PAPPA: variants seen among roughly 807,000 people sequenced by gnomAD.
PAPPA encodes the protein pappalysin 1, also known as pappalysin-1.
In PAPPA, 60 loss-of-function variants were observed where a neutral mutation model predicts 164.0. That is an observed-to-expected ratio of 0.37 (90% CI 0.30 to 0.45). PAPPA has a LOEUF of 0.45. PAPPA is among the 20% of genes least tolerant of loss of function. The pLI is 1.00. For synonymous variants in PAPPA, 875 were observed against 814.1 expected, an observed-to-expected ratio of 1.07 and a Z score of -1.27; for missense variants, 1,782 against 2,087.3, an observed-to-expected ratio of 0.85 and a Z score of 2.85.
Position 116,261,651 on chromosome 9 carries a change from A to G in PAPPA, c.2733-4206A>G, listed in dbSNP as rs143146560. Among the ~76,000 whole-genome samples, 90 of 152,286 alleles carry G rather than the reference A, an allele frequency of 5.9e-4. No individual in the cohort carries two copies. The East Asian group carries it at 0.016, about 28-fold the overall frequency. On this transcript the variant is annotated intron_variant, in intron 7 of 21. Coordinates refer to ENST00000328252, the MANE Select transcript of PAPPA (RefSeq NM_002581.5). ...AAGTCATAAGGTGCTTACCCTCCTT[A>G]TGTATATATTAATATTTTAGATAAT...
chr9:116,314,461 T>A (rs1424339836), intron 10 of PAPPA, among the ~76,000 whole-genome samples: 1 of 152,178 alleles, frequency 6.6e-6, no homozygotes, highest in African/African-American at 2.4e-5. Context: ...ATTTTTTAAG[T>A]CTGCATAAAT....
intron 21 of PAPPA, among the ~76,000 whole-genome samples, chr9:116,383,743 G>T (rs1846764678): frequency 6.6e-6 from 1 of 152,222 alleles, no homozygotes; most frequent in African/African-American, 2.4e-5. Flanking sequence ...GGATCAGTCA[G>T]TCCCAGGTGG....
chr9:116,322,243 C>G (rs929550839), intron 10 of PAPPA, among the ~76,000 whole-genome samples: 1 of 151,920 alleles, frequency 6.6e-6, no homozygotes, highest in Admixed American at 6.6e-5. Flanking sequence ...AACCCCATCT[C>G]TACTAAAAAT....
chr9:116,310,222 C>A (rs1482383349), intron 10 of PAPPA, among the ~76,000 whole-genome samples: 1 of 152,158 alleles, frequency 6.6e-6, no homozygotes, highest in Non-Finnish European at 1.5e-5. Flanking sequence ...ATGGCCTTCA[C>A]CAAAGCATTC....
At chr9:116,220,439 G>C (rs1033067999) in intron 5 of PAPPA, among the ~76,000 whole-genome samples, 10 of 150,644 alleles carry the variant, frequency 6.6e-5, no homozygotes, top group Non-Finnish European at 8.9e-5. Context: ...TCATCTCCAT[G>C]AGCTCAGGAG....
intron 9 of PAPPA, among the ~76,000 whole-genome samples, chr9:116,288,443 C>CT (rs1192334093): frequency 2.8e-5 from 4 of 144,422 alleles, no homozygotes; most frequent in Non-Finnish European, 6.1e-5. Flanking sequence ...CCCTCCCTCC[C>CT]TCCCTTCCTT....
rs540964511 is a variant in PAPPA at position 116,269,374 on chromosome 9, T to A, written c.2862-1951T>A. Among the ~76,000 whole-genome samples, 6 of 152,302 alleles carry A rather than the reference T, an allele frequency of 3.9e-5. No individual in the cohort carries two copies. The South Asian group carries it at 1.2e-3, about 32-fold the overall frequency. On this transcript the variant is annotated intron_variant, in intron 8 of 21. Coordinates refer to ENST00000328252, the MANE Select transcript of PAPPA (RefSeq NM_002581.5). The stretch of plus-strand genomic sequence containing the variant: ...GTGACAACTCTGCAAAACTAACAAG[T>A]AAAGGAGTGGCTGCATGCTGTCTGT...
chr9:116,212,808 A>T (rs1407240907), intron 4 of PAPPA, among the ~76,000 whole-genome samples: 1 of 152,210 alleles, frequency 6.6e-6, no homozygotes, highest in East Asian at 1.9e-4. Flanking sequence ...TAACAGGTAT[A>T]TAAAATTTAT....
At chr9:116,274,285 C>A (rs1845171830) in intron 9 of PAPPA, among the ~76,000 whole-genome samples, 1 of 152,216 alleles carries the variant, frequency 6.6e-6, no homozygotes, top group South Asian at 2.1e-4. Context: ...CTACGCCCTT[C>A]ACTGGCCACT....
intron 4 of PAPPA, among the ~76,000 whole-genome samples, chr9:116,218,753 G>T (rs1204273181): frequency 6.6e-6 from 1 of 152,110 alleles, no homozygotes; most frequent in African/African-American, 2.4e-5. Flanking sequence ...TTCTCATATT[G>T]ATCAGAAGCA....
At position 116,167,218 on chromosome 9, in the gene PAPPA, G is replaced by T. The variant is rs145875739; in HGVS notation, c.415+12631G>T. On this transcript the variant is annotated intron_variant, in intron 1 of 21. Coordinates refer to ENST00000328252, the MANE Select transcript of PAPPA (RefSeq NM_002581.5). The stretch of plus-strand genomic sequence containing the variant: ...TCCCTCAATGCCAAAATCTGAGGTT[G>T]CTCAAGTCCCCAACATAAAATGGCA... 4.6e-5 allele frequency among the ~76,000 whole-genome samples: 7 copies of T among 152,238 alleles called. No homozygotes were observed. In the East Asian group the frequency reaches 1.2e-3, roughly 25 times the overall value.
chr9:116,295,216 A>G (rs1035930068), intron 9 of PAPPA, among the ~76,000 whole-genome samples: 1 of 152,192 alleles, frequency 6.6e-6, no homozygotes, highest in Non-Finnish European at 1.5e-5. Context: ...TAATATTGAG[A>G]CTTACTTAAG....
At chr9:116,320,336 G>A (rs1159146962) in intron 10 of PAPPA, among the ~76,000 whole-genome samples, 1 of 152,332 alleles carries the variant, frequency 6.6e-6, no homozygotes, top group East Asian at 1.9e-4. Flanking sequence ...GAGCAACGAG[G>A]TGCTAATCAG....
At chr9:116,329,421 C>T (rs996832724) in intron 10 of PAPPA, among the ~76,000 whole-genome samples, 1 of 152,050 alleles carries the variant, frequency 6.6e-6, no homozygotes, top group Admixed American at 6.6e-5. Flanking sequence ...GTATGCACTA[C>T]CTGAAATTGA....
Position 116,271,401 on chromosome 9 carries a change from T to C in PAPPA, c.2938T>C (p.Ser980Pro). Residue 980 changes from serine to proline, a missense_variant, in exon 9 of 22, where the codon TCC (serine) becomes CCC (proline). Coordinates refer to ENST00000328252, the MANE Select transcript of PAPPA (RefSeq NM_002581.5). The surrounding 1 kb of genome is among the most constrained non-coding windows in gnomAD (Gnocchi z 4.2). ...CTCCCTTTTCTGCCGACAAGAAGTC[T>C]CCTTCAATTGTATTGGTACGTCTTT... is the stretch of plus-strand genomic sequence containing the variant. ...GCSLFCRQEV[S>P]FNCIDEPSRC... is the part of the protein sequence containing the mutation. 1 of 1,611,358 alleles carries C rather than the reference T, an allele frequency of 6.2e-7. No individual in the cohort carries two copies. Among genetic ancestry groups the C allele is most frequent in the Non-Finnish European group, 8.5e-7 (1 of 1,177,452 alleles).
At chr9:116,316,988 A>G (rs1198743028) in intron 10 of PAPPA, among the ~76,000 whole-genome samples, 1 of 152,192 alleles carries the variant, frequency 6.6e-6, no homozygotes, top group East Asian at 1.9e-4. Context: ...ACTCTGCATG[A>G]TCATCTTGGC....
At chr9:116,285,757 A>G (rs1450001896) in intron 9 of PAPPA, 1 of 152,216 alleles carries the variant, frequency 6.6e-6, no homozygotes, top group East Asian at 1.9e-4. Context: ...TGATTTCCCA[A>G]GAGTTAGTCC....
chr9:116,165,403 C>A (rs1843709593), intron 1 of PAPPA, among the ~76,000 whole-genome samples: 1 of 152,152 alleles, frequency 6.6e-6, no homozygotes, highest in Non-Finnish European at 1.5e-5. Context: ...TTGGTGTCAC[C>A]CACTCTACAT....
intron 21 of PAPPA, among the ~76,000 whole-genome samples, chr9:116,387,705 T>C (rs994277353): frequency 6.6e-6 from 1 of 152,212 alleles, no homozygotes; most frequent in African/African-American, 2.4e-5. Context: ...CCTCATTTTA[T>C]AGATGATGAA....
Sources: gnomAD v4.1 joint callset for allele counts (sites outside exome capture counted in the v4.1 genomes callset) on GRCh38, gnomAD v4.1.1 for gene constraint, Gnocchi (gnomAD v3.1) non-coding constraint, MANE v1.5 for transcripts, NCBI Gene and HGNC (gene_info 2026-07-23, HGNC 2026-07-21) for gene names.